The following SLC27A2 variants were observed in gnomAD, a reference collection of about 807,000 sequenced individuals.
The protein encoded by SLC27A2 is long-chain fatty acid transport protein 2.
A neutral mutation model predicts 60.0 loss-of-function variants in SLC27A2; 54 were observed. That is an observed-to-expected ratio of 0.90 (90% CI 0.72 to 1.13). The LOEUF (loss-of-function observed/expected upper bound fraction) is 1.13. SLC27A2 is among the 50% of genes most tolerant of loss of function. The probability of loss-of-function intolerance (pLI) is 0.00; values close to 1 mark genes in which losing one functional copy is unlikely to be tolerated. For synonymous variants in SLC27A2, 297 were observed against 297.6 expected, an observed-to-expected ratio of 1.00 and a Z score of 0.02; for missense variants, 739 against 777.6, an observed-to-expected ratio of 0.95 and a Z score of 0.59.
At chr15:50,199,092 G>T (rs1165576684) in intron 2 of SLC27A2, among the ~76,000 whole-genome samples, 1 of 151,336 alleles carries the variant, frequency 6.6e-6, no homozygotes, top group Non-Finnish European at 1.5e-5. Context: ...TTAACCAATT[G>T]CTTCTGCTGC....
chr15:50,195,580 T>C (rs1030126253), intron 1 of SLC27A2, among the ~76,000 whole-genome samples: 2 of 152,186 alleles, frequency 1.3e-5, no homozygotes, highest in Non-Finnish European at 2.9e-5. Flanking sequence ...TGAGGACTTG[T>C]TTATTTTCAT....
intron 7 of SLC27A2, 53 bp downstream of exon 7, chr15:50,227,231 T>TA: frequency 7.0e-7 from 1 of 1,430,416 alleles, no homozygotes; most frequent in Non-Finnish European, 9.8e-7. Flanking sequence ...CAGTTTGGCT[T>TA]ACTCCTAGTG....
At chr15:50,233,753 C>T in intron 8 of SLC27A2, 115 bp from the exon 9 acceptor site, 1 of 864,862 alleles carries the variant, frequency 1.2e-6, no homozygotes, top group Non-Finnish European at 1.7e-6. Flanking sequence ...ATAAAAATTC[C>T]AGCTATCCAA....
At chr15:50,184,688 T>A (rs1295925869) in intron 1 of SLC27A2, among the ~76,000 whole-genome samples, 1 of 150,640 alleles carries the variant, frequency 6.6e-6, no homozygotes, top group Non-Finnish European at 1.5e-5. Context: ...AAAAAAAAAA[T>A]TAGCTGGGCA....
chr15:50,232,889 G>C (rs760495666), intron 8 of SLC27A2, among the ~76,000 whole-genome samples: 8 of 152,148 alleles, frequency 5.3e-5, no homozygotes, highest in Non-Finnish European at 1.0e-4. Flanking sequence ...CACCATAGGA[G>C]AGATTTCGAA....
chr15:50,195,263 G>A (rs942100173), intron 1 of SLC27A2, among the ~76,000 whole-genome samples: 4 of 148,996 alleles, frequency 2.7e-5, no homozygotes, highest in African/African-American at 1.0e-4. Flanking sequence ...TCAGGAGATC[G>A]AGACCATCCT....
At chr15:50,228,461 C>T (rs1340741849) in intron 7 of SLC27A2, among the ~76,000 whole-genome samples, 1 of 150,442 alleles carries the variant, frequency 6.6e-6, no homozygotes, top group African/African-American at 2.4e-5. Context: ...CTGGTTGGGC[C>T]TTAACATTAG....
chr15:50,204,917 T>C (rs1228076253), intron 3 of SLC27A2, among the ~76,000 whole-genome samples: 1 of 147,784 alleles, frequency 6.8e-6, no homozygotes, highest in Non-Finnish European at 1.5e-5. Flanking sequence ...AGTATATATA[T>C]AATATAATAT....
intron 4 of SLC27A2, among the ~76,000 whole-genome samples, chr15:50,219,413 CTCTT>C (rs1288143304): frequency 6.6e-6 from 1 of 151,838 alleles, no homozygotes; most frequent in African/African-American, 2.4e-5. Flanking sequence ...GTGGCACTCT[CTCTT>C]TGTTGCTTTT....
chr15:50,231,489 T>A (rs1037290134), intron 8 of SLC27A2, among the ~76,000 whole-genome samples: 1 of 152,098 alleles, frequency 6.6e-6, no homozygotes, highest in Non-Finnish European at 1.5e-5. Context: ...TGATAAATTT[T>A]ATGTTATGTG....
At chr15:50,222,542 A>G (rs1434886451) in intron 4 of SLC27A2, among the ~76,000 whole-genome samples, 1 of 152,112 alleles carries the variant, frequency 6.6e-6, no homozygotes, top group African/African-American at 2.4e-5. Flanking sequence ...GATCTTTCCC[A>G]TGTGGCTCTT....
chr15:50,219,987 A>T (rs1397273649), intron 4 of SLC27A2, among the ~76,000 whole-genome samples: 3 of 152,174 alleles, frequency 2.0e-5, no homozygotes, highest in African/African-American at 7.2e-5. Flanking sequence ...GGAAAGGAAA[A>T]CTTGAGTCAT....
chr15:50,228,264 C>G (rs1365494824), intron 7 of SLC27A2, among the ~76,000 whole-genome samples: 1 of 150,092 alleles, frequency 6.7e-6, no homozygotes, highest in Non-Finnish European at 1.5e-5. Flanking sequence ...GTAGTCCCAG[C>G]TACTTGGGAG....
chr15:50,205,426 G>A (rs1595685632), intron 4 of SLC27A2, 63 bp downstream of exon 4: 2 of 1,538,240 alleles, frequency 1.3e-6, no homozygotes, highest in East Asian at 4.6e-5. Flanking sequence ...AAGTCACTTT[G>A]GGTTGTGCTA....
chr15:50,195,241 C>T (rs573469916), intron 1 of SLC27A2, among the ~76,000 whole-genome samples: 24 of 148,664 alleles, frequency 1.6e-4, no homozygotes, highest in African/African-American at 5.3e-4. Flanking sequence ...CAGAGGCGGG[C>T]GGATCACGAG....
In SLC27A2 at chr15:50,223,086, C is replaced by T; in HGVS notation, c.1094C>T (p.Thr365Ile). The change falls in exon 5 of 10, where the codon ACT becomes ATT. Residue 365 changes from threonine to isoleucine, a missense_variant. Thr to Ile is a moderately conservative substitution (Grantham distance 89, BLOSUM62 -1). Coordinates refer to ENST00000267842, the MANE Select transcript of SLC27A2 (RefSeq NM_003645.4). ...TGCATCTATGAGTTCTATGCTGCCA[C>T]TGAAGGCAATATTGGATTTATGAAT... ...DICIYEFYAATEGNIGFMNYA... is the reference protein window; with the variant it reads ...DICIYEFYAAIEGNIGFMNYA... 4 of 1,613,898 alleles carry T rather than the reference C, an allele frequency of 2.5e-6. No individual in the cohort carries two copies. The highest frequency in any genetic ancestry group is 2.5e-6 in the Non-Finnish European group (3 of 1,179,892).
intron 3 of SLC27A2, among the ~76,000 whole-genome samples, chr15:50,204,306 A>G (rs2045090295): frequency 6.6e-6 from 1 of 152,040 alleles, no homozygotes. Context: ...CCCTTCTTAA[A>G]AAATACAAAA....
chr15:50,203,020 AAT>A (rs1555500674), intron 3 of SLC27A2, among the ~76,000 whole-genome samples: 8 of 147,778 alleles, frequency 5.4e-5, no homozygotes, highest in East Asian at 2.0e-4. Flanking sequence ...CTCTAAAAAA[AAT>A]ATATATATAT....
At chr15:50,193,798 G>A (rs191291853) in intron 1 of SLC27A2, among the ~76,000 whole-genome samples, 2 of 152,100 alleles carry the variant, frequency 1.3e-5, no homozygotes, top group Admixed American at 1.3e-4. Flanking sequence ...AGTTCTGGGG[G>A]TACAAAGATG....
Sources: allele counts gnomAD v4.1 joint callset (sites outside exome capture counted in the v4.1 genomes callset), GRCh38; gene constraint gnomAD v4.1.1; transcripts MANE v1.5; gene names NCBI Gene and HGNC (gene_info 2026-07-23, HGNC 2026-07-21).